The following DSCAM variants were observed in gnomAD, a reference collection of about 807,000 sequenced individuals.
DSCAM encodes the protein DS cell adhesion molecule, also known as cell adhesion molecule DSCAM.
DSCAM carries 47 observed loss-of-function variants against 217.7 expected under a neutral mutation model. The observed-to-expected ratio is 0.22, with a 90% confidence interval of 0.17 to 0.28. The LOEUF (loss-of-function observed/expected upper bound fraction) is 0.28. Among genes scored for constraint, DSCAM ranks in the 10% least tolerant of loss-of-function variants. DSCAM has a pLI of 1.00. For missense variants in DSCAM, 2,080 were observed against 2,618.3 expected, an observed-to-expected ratio of 0.79 and a Z score of 4.49; for synonymous variants, 1,056 against 1,015.3, an observed-to-expected ratio of 1.04 and a Z score of -0.76.
At chr21:40,797,425 T>C (rs1352838468) in intron 1 of DSCAM, among the ~76,000 whole-genome samples, 1 of 152,200 alleles carries the variant, frequency 6.6e-6, no homozygotes, top group Non-Finnish European at 1.5e-5. Context: ...TATTTCAAGA[T>C]GGTGGATGAT....
intron 4 of DSCAM, among the ~76,000 whole-genome samples, chr21:40,361,567 T>A (rs1384764392): frequency 6.6e-6 from 1 of 152,098 alleles, no homozygotes; most frequent in Non-Finnish European, 1.5e-5. Context: ...CGAAGTGAGC[T>A]GAGATTGTAC....
At chr21:40,701,631 A>C (rs2090657488) in intron 2 of DSCAM, among the ~76,000 whole-genome samples, 1 of 151,874 alleles carries the variant, frequency 6.6e-6, no homozygotes, top group Admixed American at 6.5e-5. Flanking sequence ...TTTCTTATTC[A>C]GTTGAAAAAA....
At chr21:40,711,552 C>T (rs2090780606) in intron 1 of DSCAM, among the ~76,000 whole-genome samples, 1 of 152,198 alleles carries the variant, frequency 6.6e-6, no homozygotes, top group Non-Finnish European at 1.5e-5. Flanking sequence ...TCCCTGCTGC[C>T]ACTTGGTGGA....
intron 1 of DSCAM, among the ~76,000 whole-genome samples, chr21:40,715,305 C>T (rs2090829885): frequency 6.6e-6 from 1 of 152,198 alleles, no homozygotes; most frequent in Admixed American, 6.5e-5. Flanking sequence ...TGAGATTTAG[C>T]ATCCTCCAGG....
At chr21:40,516,070 A>G (rs910933227) in intron 3 of DSCAM, among the ~76,000 whole-genome samples, 4 of 152,142 alleles carry the variant, frequency 2.6e-5, no homozygotes, top group Non-Finnish European at 1.5e-5. Flanking sequence ...TTCACATTTC[A>G]GACTGATTAA....
chr21:40,053,436 T>C (rs2088965424), intron 29 of DSCAM, among the ~76,000 whole-genome samples: 1 of 152,176 alleles, frequency 6.6e-6, no homozygotes, highest in Non-Finnish European at 1.5e-5. Flanking sequence ...TTGTTTTTCA[T>C]TAATGATGGG....
chr21:40,564,102 A>G (rs1381162647), intron 3 of DSCAM, among the ~76,000 whole-genome samples: 1 of 152,166 alleles, frequency 6.6e-6, no homozygotes, highest in Non-Finnish European at 1.5e-5. Context: ...ACATTTAATG[A>G]TAACCACAAT....
At chr21:40,114,388 C>T (rs1450927297) in intron 20 of DSCAM, among the ~76,000 whole-genome samples, 4 of 151,276 alleles carry the variant, frequency 2.6e-5, no homozygotes, top group Admixed American at 2.0e-4. Flanking sequence ...GGATCCCTTC[C>T]TTACACCTTA....
rs1262476813 is a variant in DSCAM at position 40,038,921 on chromosome 21, A to G, written c.5686+3450T>C. ...TCTCAGTAAACTATCGCAAGAACAA[A>G]AAACCAAACGCCGCATATTCTCACT... On this transcript the variant is annotated intron_variant, in intron 32 of 32. Transcript: ENST00000400454. 5.3e-5 allele frequency among the ~76,000 whole-genome samples: 8 copies of G among 150,914 alleles called. 1 individual carries two copies. Among genetic ancestry groups the G allele is most frequent in the African/African-American group, 1.9e-4 (8 of 41,134 alleles).
intron 11 of DSCAM, among the ~76,000 whole-genome samples, chr21:40,251,912 C>T (rs573728912): frequency 7.9e-4 from 121 of 152,230 alleles, no homozygotes; most frequent in Non-Finnish European, 1.2e-3. Flanking sequence ...AGCCATGTTG[C>T]AGACATCCTC....
Position 40,180,224 on chromosome 21 carries a change from T to C in DSCAM, c.2780-1130A>G, listed in dbSNP as rs573556739. 9.2e-5 allele frequency among the ~76,000 whole-genome samples: 14 copies of C among 152,302 alleles called. No individual in the cohort carries two copies. In the South Asian group the frequency reaches 1.5e-3, roughly 16 times the overall value. ...GAGTCTTGGGAATGGGGCCAATCAC[T>C]TTGTCACACTAAGGGTGAGTATGGC... On this transcript the variant is annotated intron_variant, in intron 14 of 32. Transcript: ENST00000400454.
At chr21:40,228,645 T>TTTC (rs199741234) in intron 11 of DSCAM, among the ~76,000 whole-genome samples, 1,942 of 142,950 alleles carry the variant, frequency 0.014, 57 homozygotes, top group African/African-American at 0.048. Flanking sequence ...CCTCTTTTCT[T>TTTC]TTTTTTTTTT....
At chr21:40,293,702 A>G (rs1188026010) in intron 10 of DSCAM, among the ~76,000 whole-genome samples, 5 of 152,126 alleles carry the variant, frequency 3.3e-5, no homozygotes, top group African/African-American at 1.2e-4. Context: ...TACACCTGTA[A>G]TCCCAGCTAC....
At chr21:40,506,230 G>A (rs1472607223) in intron 3 of DSCAM, among the ~76,000 whole-genome samples, 1 of 152,100 alleles carries the variant, frequency 6.6e-6, no homozygotes, top group Non-Finnish European at 1.5e-5. Flanking sequence ...ATGCACGAGG[G>A]GACAGTAATG....
At chr21:40,461,122 G>C (rs970789397) in intron 3 of DSCAM, among the ~76,000 whole-genome samples, 1 of 149,960 alleles carries the variant, frequency 6.7e-6, no homozygotes, top group Admixed American at 6.7e-5. Context: ...CTGTTTAAAA[G>C]AAAGAAAAAA....
chr21:40,650,727 A>G (rs2090003034), intron 3 of DSCAM, among the ~76,000 whole-genome samples: 1 of 152,210 alleles, frequency 6.6e-6, no homozygotes, highest in African/African-American at 2.4e-5. Flanking sequence ...CAGCCTGGCC[A>G]ATATGATGAA....
intron 3 of DSCAM, among the ~76,000 whole-genome samples, chr21:40,685,211 T>C (rs1393907961): frequency 6.6e-6 from 1 of 152,210 alleles, no homozygotes; most frequent in Non-Finnish European, 1.5e-5. Flanking sequence ...CAACATCATT[T>C]AAAAAGTTGC....
intron 4 of DSCAM, among the ~76,000 whole-genome samples, chr21:40,354,095 T>A (rs78688182): frequency 0.029 from 4,411 of 152,274 alleles, 94 homozygotes; most frequent in Non-Finnish European, 0.038. Context: ...AGATCCTTAA[T>A]GGGTACAAAT....
intron 20 of DSCAM, among the ~76,000 whole-genome samples, chr21:40,096,941 A>G (rs140706924): frequency 3.2e-4 from 49 of 152,288 alleles, no homozygotes; most frequent in African/African-American, 1.1e-3. Context: ...TTCAACAAAT[A>G]TAATTCAAAA....
Sources: gnomAD v4.1 joint callset for allele counts (sites outside exome capture counted in the v4.1 genomes callset) on GRCh38, gnomAD v4.1.1 for gene constraint, MANE v1.5 for transcripts, NCBI Gene and HGNC (gene_info 2026-07-23, HGNC 2026-07-21) for gene names.